Variants in CAMK1D observed in about 807,000 individuals in gnomAD.
The protein encoded by CAMK1D is calcium/calmodulin dependent protein kinase ID.
Under a neutral mutation model 47.7 loss-of-function variants are expected in CAMK1D, and 9 were observed. The observed-to-expected ratio is 0.19, with a 90% CI of 0.11 to 0.33. The LOEUF is 0.33. Among genes scored for constraint, CAMK1D ranks in the 10% least tolerant of loss-of-function variants. The probability of loss-of-function intolerance (pLI) is 1.00; values close to 1 mark genes in which losing one functional copy is unlikely to be tolerated. For missense variants in CAMK1D, 291 were observed against 488.7 expected (o/e 0.60, Z 3.81); for synonymous variants, 184 against 184.9 (o/e 0.99, Z 0.04).
chr10:12,385,385 C>T lies in CAMK1D; in HGVS notation c.92+35475C>T, dbSNP rs540515528. Among the ~76,000 whole-genome samples the T allele has an allele frequency of 1.4e-4, 21 of 152,272 alleles. 1 individual carries two copies. In the Middle Eastern group the frequency reaches 0.024, roughly 173 times the overall value. On this transcript the variant is annotated intron_variant, in intron 1 of 10. Coordinates refer to ENST00000619168, the MANE Select transcript of CAMK1D (RefSeq NM_153498.4). The stretch of plus-strand genomic sequence containing the variant: ...TGGATGAATGGAAAAAGAAAGTGTA[C>T]GTATCCATACAATGATGTGATATTT...
At chr10:12,746,967 G>A (rs1835710581) in intron 3 of CAMK1D, among the ~76,000 whole-genome samples, 1 of 152,166 alleles carries the variant, frequency 6.6e-6, no homozygotes, top group African/African-American at 2.4e-5. Flanking sequence ...ACAGCCAATA[G>A]GAGGTATATA....
intron 5 of CAMK1D, among the ~76,000 whole-genome samples, chr10:12,773,545 C>T (rs772065443): frequency 8.6e-5 from 13 of 151,962 alleles, no homozygotes; most frequent in African/African-American, 1.2e-4. Flanking sequence ...TCTGTGGATC[C>T]GCATATTTTG....
intron 4 of CAMK1D, among the ~76,000 whole-genome samples, chr10:12,766,363 T>G: frequency 1.6e-5 from 1 of 62,332 alleles, no homozygotes; most frequent in Non-Finnish European, 5.0e-5. Flanking sequence ...GCCTGTTTCT[T>G]TTTTTTTTTT....
chr10:12,788,574 C>T (rs929728288), intron 5 of CAMK1D, among the ~76,000 whole-genome samples: 4 of 152,342 alleles, frequency 2.6e-5, no homozygotes, highest in African/African-American at 9.6e-5. Flanking sequence ...GAGGCTGGCC[C>T]CGGATGGTCC....
intron 3 of CAMK1D, among the ~76,000 whole-genome samples, chr10:12,681,137 G>A (rs753135078): frequency 3.9e-5 from 6 of 152,136 alleles, no homozygotes; most frequent in South Asian, 2.1e-4. Flanking sequence ...CTAAAACTCC[G>A]TGGTTAAGCA....
intron 10 of CAMK1D, among the ~76,000 whole-genome samples, chr10:12,828,382 C>T (rs191079803): frequency 3.3e-5 from 5 of 152,192 alleles, no homozygotes; most frequent in East Asian, 1.9e-4. Context: ...GGCTCACACC[C>T]GTAATCCCAG....
chr10:12,423,195 G>T (rs1355808326), intron 1 of CAMK1D, among the ~76,000 whole-genome samples: 2 of 152,032 alleles, frequency 1.3e-5, no homozygotes, highest in African/African-American at 4.8e-5. Flanking sequence ...TATTATACGG[G>T]TGACCACTTA....
chr10:12,379,720 T>C (rs943454461), intron 1 of CAMK1D, among the ~76,000 whole-genome samples: 2 of 152,160 alleles, frequency 1.3e-5, no homozygotes, highest in Admixed American at 1.3e-4. Flanking sequence ...GCCACTGCAC[T>C]GCAGTCTGGG....
At chr10:12,745,985 G>C (rs992198288) in intron 3 of CAMK1D, among the ~76,000 whole-genome samples, 1 of 152,038 alleles carries the variant, frequency 6.6e-6, no homozygotes, top group Non-Finnish European at 1.5e-5. Context: ...GGGCCCCTTT[G>C]GTACTTAGAC....
intron 6 of CAMK1D, among the ~76,000 whole-genome samples, chr10:12,799,762 C>G (rs1286544754): frequency 6.6e-6 from 1 of 152,194 alleles, no homozygotes. Context: ...GTACTCTGCA[C>G]ACATGCTCCG....
chr10:12,689,362 C>T (rs1368831019), intron 3 of CAMK1D, among the ~76,000 whole-genome samples: 1 of 152,220 alleles, frequency 6.6e-6, no homozygotes, highest in Non-Finnish European at 1.5e-5. Context: ...GTTTGACCAC[C>T]TGCTTCATAA....
chr10:12,439,926 G>A (rs146007769), intron 1 of CAMK1D, among the ~76,000 whole-genome samples: 3 of 152,182 alleles, frequency 2.0e-5, no homozygotes, highest in Admixed American at 2.0e-4. Context: ...TGAGAACCAG[G>A]TGAAAACAGA....
intron 2 of CAMK1D, among the ~76,000 whole-genome samples, chr10:12,554,135 CCTCCCCTTTG>C (rs1836682878): frequency 6.6e-6 from 1 of 151,846 alleles, no homozygotes; most frequent in Non-Finnish European, 1.5e-5. Flanking sequence ...TCCCCACTCC[CCTCCCCTTTG>C]CTCCCCTCCC....
At chr10:12,808,225 G>A (rs959325200) in intron 6 of CAMK1D, among the ~76,000 whole-genome samples, 21 of 152,238 alleles carry the variant, frequency 1.4e-4, no homozygotes, top group African/African-American at 4.6e-4. Flanking sequence ...TTGTATACCC[G>A]GAATAGCCTC....
chr10:12,466,893 G>A (rs1292452186), intron 1 of CAMK1D, among the ~76,000 whole-genome samples: 1 of 152,104 alleles, frequency 6.6e-6, no homozygotes, highest in African/African-American at 2.4e-5. Flanking sequence ...GGATGTTTCA[G>A]GGATTGTCGT....
intron 2 of CAMK1D, among the ~76,000 whole-genome samples, chr10:12,641,132 C>G (rs1222719401): frequency 6.6e-6 from 1 of 151,912 alleles, no homozygotes; most frequent in Non-Finnish European, 1.5e-5. Flanking sequence ...ACATGCCCTG[C>G]TAATTTTTGT....
chr10:12,400,444 A>C (rs993227513), intron 1 of CAMK1D, among the ~76,000 whole-genome samples: 12 of 152,272 alleles, frequency 7.9e-5, no homozygotes, highest in African/African-American at 2.9e-4. Flanking sequence ...AGCTTATATC[A>C]CCGGAAGATA....
chr10:12,352,990 G>T (rs1837397922), intron 1 of CAMK1D, among the ~76,000 whole-genome samples: 1 of 152,078 alleles, frequency 6.6e-6, no homozygotes, highest in Non-Finnish European at 1.5e-5. Flanking sequence ...GCCTGCCTCG[G>T]CCTCCCAAAG....
intron 3 of CAMK1D, among the ~76,000 whole-genome samples, chr10:12,706,178 C>A (rs527771460): frequency 4.9e-4 from 75 of 152,100 alleles, no homozygotes; most frequent in African/African-American, 1.8e-3. Context: ...ATGGGCTGGA[C>A]AGAGGGATGA....
Sources: gnomAD v4.1 joint callset for allele counts (sites outside exome capture counted in the v4.1 genomes callset) on GRCh38, gnomAD v4.1.1 for gene constraint, MANE v1.5 for transcripts, NCBI Gene and HGNC (gene_info 2026-07-23, HGNC 2026-07-21) for gene names.